Variants in TEX9 observed in about 807,000 individuals in gnomAD.
TEX9 encodes testis-expressed protein 9.
In TEX9, 74 loss-of-function variants were observed where a neutral mutation model predicts 59.6. The ratio of observed to expected loss-of-function variants is 1.24; its 90% CI spans 1.03 to 1.51. The LOEUF (loss-of-function observed/expected upper bound fraction) is 1.51. TEX9 is among the 40% of genes most tolerant of loss of function. The pLI is 0.00. For missense variants in TEX9, 522 were observed against 447.8 expected (o/e 1.17, Z -1.49); for synonymous variants, 186 against 152.2 (o/e 1.22, Z -1.64).
intron 1 of TEX9, among the ~76,000 whole-genome samples, chr15:56,329,510 A>G (rs2046096987): frequency 6.6e-6 from 1 of 152,226 alleles, no homozygotes. Context: ...ATAAATCAAA[A>G]TAGCTATTTT....
intron 10 of TEX9, among the ~76,000 whole-genome samples, chr15:56,419,448 G>A (rs1359706064): frequency 6.6e-6 from 1 of 151,818 alleles, no homozygotes; most frequent in Non-Finnish European, 1.5e-5. Context: ...AAAACTGACT[G>A]CAGTTTCCTG....
chr15:56,267,470 T>G (rs2044414893), intron 1 of TEX9, among the ~76,000 whole-genome samples: 1 of 152,216 alleles, frequency 6.6e-6, no homozygotes, highest in South Asian at 2.1e-4. Context: ...AGTCTAACAT[T>G]TAAGTCTTTA....
At chr15:56,455,103 C>T in the TEX9 span, among the ~76,000 whole-genome samples, 1 of 152,036 alleles carries the variant, frequency 6.6e-6, no homozygotes, top group African/African-American at 2.4e-5. Flanking sequence ...TTTCACAGAT[C>T]TTAATTTTAT....
intron 1 of TEX9, among the ~76,000 whole-genome samples, chr15:56,355,606 T>C (rs1026820935): frequency 6.6e-6 from 1 of 152,158 alleles, no homozygotes; most frequent in Non-Finnish European, 1.5e-5. Context: ...TCTATTGTCT[T>C]TCCATCTAAT....
chr15:56,307,214 C>T (rs1035489357), intron 1 of TEX9, among the ~76,000 whole-genome samples: 2 of 152,190 alleles, frequency 1.3e-5, no homozygotes, highest in Non-Finnish European at 2.9e-5. Flanking sequence ...AATTAAGGTA[C>T]TTCCACATCA....
chr15:56,434,414 AG>A, intron 12 of TEX9: 2 of 1,592,846 alleles, frequency 1.3e-6, no homozygotes, highest in Non-Finnish European at 1.7e-6. Flanking sequence ...TACAGCTGAA[AG>A]TTAATTTAGT....
intron 1 of TEX9, among the ~76,000 whole-genome samples, chr15:56,319,079 A>G (rs1209298161): frequency 2.0e-5 from 3 of 152,004 alleles, no homozygotes; most frequent in African/African-American, 4.8e-5. Context: ...TCCCACCAGT[A>G]TTGTTCAGAG....
At chr15:56,366,636 GT>G (rs1260287835) in intron 2 of TEX9, among the ~76,000 whole-genome samples, 1 of 152,096 alleles carries the variant, frequency 6.6e-6, no homozygotes, top group East Asian at 1.9e-4. Context: ...GGCGATGTCT[GT>G]TTTATTTGCC....
chr15:56,244,256 G>A (rs926738745), exon 1 of TEX9: 7 of 152,248 alleles, frequency 4.6e-5, no homozygotes, highest in Admixed American at 4.6e-4. Context: ...TCCTCCCTGA[G>A]TAAATGAAGA....
intron 1 of TEX9, among the ~76,000 whole-genome samples, chr15:56,348,291 C>T (rs1355456975): frequency 6.6e-6 from 1 of 151,890 alleles, no homozygotes; most frequent in Non-Finnish European, 1.5e-5. Flanking sequence ...TACTCCTTCT[C>T]CTGGAAGTAG....
intron 1 of TEX9, among the ~76,000 whole-genome samples, chr15:56,282,794 A>G (rs1192772230): frequency 6.6e-6 from 1 of 152,104 alleles, no homozygotes; most frequent in Non-Finnish European, 1.5e-5. Flanking sequence ...TTTCCTTGAT[A>G]TTGCAAAGTG....
intron 10 of TEX9, among the ~76,000 whole-genome samples, chr15:56,426,589 G>GTATATATATATATATA (rs71110391): frequency 4.1e-4 from 10 of 24,322 alleles, no homozygotes; most frequent in Non-Finnish European, 8.7e-4. Context: ...TTGAAAAGGT[G>GTATATATATATATATA]TATATATATA....
At chr15:56,432,867 G>A (rs769908869) in intron 12 of TEX9, among the ~76,000 whole-genome samples, 14 of 152,164 alleles carry the variant, frequency 9.2e-5, no homozygotes, top group Non-Finnish European at 1.6e-4. Flanking sequence ...TTTAAAAGAA[G>A]TCATGTAAGT....
At chr15:56,293,736 C>T (rs1596070237) in intron 1 of TEX9, among the ~76,000 whole-genome samples, 1 of 152,230 alleles carries the variant, frequency 6.6e-6, no homozygotes, top group East Asian at 1.9e-4. Flanking sequence ...CTCTGGTTAC[C>T]AAAGGTTTGT....
At chr15:56,293,567 G>A (rs1331190280) in intron 1 of TEX9, among the ~76,000 whole-genome samples, 1 of 152,164 alleles carries the variant, frequency 6.6e-6, no homozygotes, top group African/African-American at 2.4e-5. Flanking sequence ...GGTGGGGGGT[G>A]TAGTTTGGCC....
At chr15:56,270,869 G>C (rs1027322219) in intron 1 of TEX9, among the ~76,000 whole-genome samples, 2 of 152,156 alleles carry the variant, frequency 1.3e-5, no homozygotes, top group Non-Finnish European at 2.9e-5. Flanking sequence ...GTCTGTAAAG[G>C]ATTTTATTTC....
At chr15:56,430,150 T>C (rs1250254118) in intron 12 of TEX9, 1 of 152,186 alleles carries the variant, frequency 6.6e-6, no homozygotes, top group Non-Finnish European at 1.5e-5. Flanking sequence ...TTTCTATAGC[T>C]GAAAGATGGC....
chr15:56,397,028 G>T (rs1330621116), intron 9 of TEX9: 2 of 152,610 alleles, frequency 1.3e-5, no homozygotes, highest in Admixed American at 6.5e-5. Context: ...AGAGGCAGAG[G>T]TTGGAAAAGT....
downstream of TEX9, among the ~76,000 whole-genome samples, chr15:56,446,501 A>C (rs1445050552): frequency 3.3e-5 from 5 of 152,046 alleles, no homozygotes; most frequent in African/African-American, 1.2e-4. Context: ...AAAAACATTT[A>C]AATAATTAAA....
Sources: gnomAD v4.1 joint callset for allele counts (sites outside exome capture counted in the v4.1 genomes callset) on GRCh38, gnomAD v4.1.1 for gene constraint, MANE v1.5 for transcripts, NCBI Gene and HGNC (gene_info 2026-07-23, HGNC 2026-07-21) for gene names.